The following ERO1A variants were observed in gnomAD, a reference collection of about 807,000 sequenced individuals.
ERO1A encodes endoplasmic reticulum oxidoreductase 1 alpha.
In ERO1A, 49 loss-of-function variants were observed where a neutral mutation model predicts 76.9. The ratio of observed to expected loss-of-function variants is 0.64; its 90% CI spans 0.51 to 0.81. The LOEUF (loss-of-function observed/expected upper bound fraction) is 0.81, where lower values mean the gene tolerates loss of function less well. Ranked by LOEUF, ERO1A falls within the 30% of genes least tolerant of loss-of-function variation. The pLI, the probability that ERO1A is intolerant of heterozygous loss-of-function variation, is 0.00. For missense variants in ERO1A, 448 were observed against 542.1 expected (o/e 0.83, Z 1.72); for synonymous variants, 174 against 181.2 (o/e 0.96, Z 0.32).
intron 4 of ERO1A, among the ~76,000 whole-genome samples, chr14:52,677,805 G>C (rs1485345433): frequency 7.1e-6 from 1 of 141,012 alleles, no homozygotes; most frequent in East Asian, 2.2e-4. Context: ...CAAGGTTACA[G>C]TGAGCTATGA....
chr14:52,680,082 C>CAAAAAAAAAAAAA (rs35358193), intron 3 of ERO1A, among the ~76,000 whole-genome samples: 40 of 90,822 alleles, frequency 4.4e-4, no homozygotes, highest in East Asian at 7.0e-4. Context: ...AAAACACAAA[C>CAAAAAAAAAAAAA]AAAAAAAAAA....
chr14:52,649,168 T>C (rs1221419189), intron 13 of ERO1A, among the ~76,000 whole-genome samples: 3 of 152,194 alleles, frequency 2.0e-5, no homozygotes, highest in East Asian at 1.9e-4. Flanking sequence ...AGCCAGTCAA[T>C]AGAATGATCA....
chr14:52,686,353 C>A (rs1227183235), intron 1 of ERO1A, among the ~76,000 whole-genome samples: 1 of 152,104 alleles, frequency 6.6e-6, no homozygotes, highest in African/African-American at 2.4e-5. Context: ...TGCTCAGTGC[C>A]CCAGAGTACA....
intron 3 of ERO1A, among the ~76,000 whole-genome samples, chr14:52,680,442 C>T (rs755459476): frequency 6.6e-6 from 1 of 152,122 alleles, no homozygotes; most frequent in Non-Finnish European, 1.5e-5. Flanking sequence ...TAGTTCTACA[C>T]TTCATCAATA....
At chr14:52,693,002 CTTTT>C (rs559143853) in intron 1 of ERO1A, among the ~76,000 whole-genome samples, 100 of 85,718 alleles carry the variant, frequency 1.2e-3, no homozygotes, top group African/African-American at 4.4e-3. Context: ...AAATAGACAA[CTTTT>C]TTTTTTTTTT....
At chr14:52,688,814 C>T (rs532033030) in intron 1 of ERO1A, among the ~76,000 whole-genome samples, 2 of 152,212 alleles carry the variant, frequency 1.3e-5, no homozygotes, top group Admixed American at 6.5e-5. Flanking sequence ...TTGTTCACTA[C>T]TCTCATGTCA....
intron 13 of ERO1A, among the ~76,000 whole-genome samples, chr14:52,649,366 A>T (rs2039775669): frequency 6.6e-6 from 1 of 152,234 alleles, no homozygotes; most frequent in African/African-American, 2.4e-5. Flanking sequence ...TGAGATTTTT[A>T]AAATTAATTT....
chr14:52,677,279 A>G (rs1324367323), intron 4 of ERO1A, among the ~76,000 whole-genome samples: 3 of 152,192 alleles, frequency 2.0e-5, no homozygotes, highest in African/African-American at 7.2e-5. Context: ...TCTTAACATC[A>G]AGAAAAAAGA....
rs764120860 is a variant in ERO1A at position 52,657,991 on chromosome 14, C to T, written c.734G>A (p.Arg245Lys). Reference protein sequence around the residue: ...SWLEGLCVEKRAFYRLISGLH... With the variant: ...SWLEGLCVEKKAFYRLISGLH... Reference sequence around the variant, plus strand: ...GCCAGATATAAGTCTGTAGAATGCTCTTTTTTCTACACAGAGACCTAAGAA... The same window carrying T: ...GCCAGATATAAGTCTGTAGAATGCTTTTTTTTCTACACAGAGACCTAAGAA... Residue 245 changes from arginine (R) to lysine (K), a missense_variant, in exon 11 of 16, where the codon AGA becomes AAA. Around this residue, in one of 2 missense-constraint regions of ERO1A, gnomAD observed 302 missense variants for 411.9 expected, o/e 0.73. Transcript: ENST00000395686. The T allele has an allele frequency of 2.5e-6, 4 of 1,610,074 alleles. No homozygotes were observed. In the South Asian group the frequency reaches 4.4e-5, roughly 18 times the overall value.
At chr14:52,673,872 G>A (rs2040693529) in intron 4 of ERO1A, among the ~76,000 whole-genome samples, 1 of 152,038 alleles carries the variant, frequency 6.6e-6, no homozygotes, top group Non-Finnish European at 1.5e-5. Flanking sequence ...TGAGTAGCGA[G>A]GACTACAGGT....
chr14:52,679,697 C>A (rs2040923137), intron 3 of ERO1A, among the ~76,000 whole-genome samples: 1 of 152,058 alleles, frequency 6.6e-6, no homozygotes, highest in East Asian at 1.9e-4. Flanking sequence ...CATGCCTGGC[C>A]TTCCAATGAT....
chr14:52,675,679 G>C (rs927116411), intron 4 of ERO1A, among the ~76,000 whole-genome samples: 1 of 151,976 alleles, frequency 6.6e-6, no homozygotes, highest in Admixed American at 6.6e-5. Context: ...CTGTCTCCCA[G>C]GCTGGAGTAC....
chr14:52,695,330 G>A (rs1350055176), intron 1 of ERO1A, 38 bp downstream of exon 1: 25 of 1,332,382 alleles, frequency 1.9e-5, no homozygotes, highest in Admixed American at 3.1e-5. Flanking sequence ...GCCGCGGAGG[G>A]CGCCGGGACC....
chr14:52,655,402 T>A (rs1301733591), intron 11 of ERO1A, among the ~76,000 whole-genome samples: 1 of 152,216 alleles, frequency 6.6e-6, no homozygotes, highest in South Asian at 2.1e-4. Context: ...GTGACATCTA[T>A]CTAATTTGCT....
intron 4 of ERO1A, among the ~76,000 whole-genome samples, chr14:52,674,706 T>G (rs1438532640): frequency 2.0e-5 from 3 of 152,200 alleles, no homozygotes; most frequent in Non-Finnish European, 4.4e-5. Context: ...TTCAAAACAG[T>G]GGTTGCCTCT....
chr14:52,656,482 G>A (rs943660685), intron 11 of ERO1A, among the ~76,000 whole-genome samples: 9 of 152,144 alleles, frequency 5.9e-5, no homozygotes, highest in East Asian at 1.9e-4. Context: ...AGGCCAAGGC[G>A]GGTGGATCAC....
intron 1 of ERO1A, among the ~76,000 whole-genome samples, chr14:52,690,029 G>A (rs1332086142): frequency 6.6e-6 from 1 of 152,192 alleles, no homozygotes; most frequent in Non-Finnish European, 1.5e-5. Flanking sequence ...GGAAAGCACA[G>A]TCTTGTCAAT....
intron 3 of ERO1A, among the ~76,000 whole-genome samples, chr14:52,681,499 A>G (rs1267753775): frequency 1.3e-5 from 2 of 152,112 alleles, no homozygotes; most frequent in Non-Finnish European, 2.9e-5. Context: ...GCTACTTGGG[A>G]GGCTGGGGCA....
chr14:52,671,720 A>G lies in ERO1A; in HGVS notation c.435-17T>C. On this transcript the variant is annotated splice_polypyrimidine_tract_variant and intron_variant, in intron 5 of 15. Transcript: ENST00000395686. Reference sequence around the variant, plus strand: ...GTTTCCTCACTTCAAACAAAGAAAAAAAATAACATTATTATTTTTAAGTTA... The same window carrying G: ...GTTTCCTCACTTCAAACAAAGAAAAGAAATAACATTATTATTTTTAAGTTA... 2 of 1,589,876 alleles carry G rather than the reference A, an allele frequency of 1.3e-6. No individual in the cohort carries two copies. Among genetic ancestry groups the G allele is most frequent in the Non-Finnish European group, 1.7e-6 (2 of 1,166,650 alleles).
Sources: gnomAD v4.1 joint callset for allele counts (sites outside exome capture counted in the v4.1 genomes callset) on GRCh38, gnomAD v4.1.1 for gene constraint, gnomAD v4.1.1 regional missense constraint, MANE v1.5 for transcripts, NCBI Gene and HGNC (gene_info 2026-07-23, HGNC 2026-07-21) for gene names.